Variants in SLC26A5 observed in about 807,000 individuals in gnomAD.
The protein encoded by SLC26A5 is prestin.
Under a neutral mutation model 81.0 loss-of-function variants are expected in SLC26A5, and 51 were observed. The ratio of observed to expected loss-of-function variants is 0.63; its 90% CI spans 0.50 to 0.80. The LOEUF is 0.80. Ranked by LOEUF, SLC26A5 falls within the 30% of genes least tolerant of loss-of-function variation. The pLI is 0.00. For missense variants in SLC26A5, 771 were observed against 905.8 expected, an observed-to-expected ratio of 0.85 and a Z score of 1.91; for synonymous variants, 325 against 332.8, an observed-to-expected ratio of 0.98 and a Z score of 0.25.
chr7:103,443,613 A>G (rs1017722167), intron 1 of SLC26A5, among the ~76,000 whole-genome samples: 5 of 152,252 alleles, frequency 3.3e-5, no homozygotes, highest in East Asian at 1.9e-4. Flanking sequence ...AATGTTCAAG[A>G]TAAGAGTTGA....
At chr7:103,406,876 C>T (rs1586306403) in intron 8 of SLC26A5, among the ~76,000 whole-genome samples, 1 of 152,196 alleles carries the variant, frequency 6.6e-6, no homozygotes, top group Admixed American at 6.5e-5. Flanking sequence ...TGGCCTCGAA[C>T]TCCTGGCCTC....
chr7:103,370,825 G>A (rs1385452013), downstream of SLC26A5, among the ~76,000 whole-genome samples: 2 of 152,204 alleles, frequency 1.3e-5, no homozygotes, highest in African/African-American at 4.8e-5. Context: ...CATACTGCAC[G>A]AGATTTCAGA....
intron 19 of SLC26A5, 85 bp downstream of exon 19, chr7:103,376,723 T>G (rs1424015581): frequency 1.0e-6 from 1 of 953,492 alleles, no homozygotes; most frequent in Non-Finnish European, 1.6e-6. Flanking sequence ...TAATTAAAAT[T>G]AAGGACATTT....
chr7:103,421,599 T>C, intron 2 of SLC26A5, 32 bp from the exon 3 acceptor site: 2 of 1,440,508 alleles, frequency 1.4e-6, no homozygotes, highest in Non-Finnish European at 1.9e-6. Flanking sequence ...CCATTTTACT[T>C]GCCAAAATCC....
chr7:103,392,794 G>A, intron 10 of SLC26A5, 125 bp downstream of exon 10: 1 of 1,179,798 alleles, frequency 8.5e-7, no homozygotes, highest in Non-Finnish European at 1.2e-6. Flanking sequence ...AGCCAGGATG[G>A]TCTCAATCTC....
Position 103,413,030 on chromosome 7 carries a change from A to G in SLC26A5, c.375T>C (p.Phe125=). ...SSFYPVIMYC[F]LGTSRHISIG... is the part of the protein sequence containing the mutation. ...TGGATATGTGTCTGGAGGTTCCAAG[A>G]AAACAATACATGATAACAGGGTAAA... is the stretch of plus-strand genomic sequence containing the variant. The change falls in exon 5 of 20, where the codon TTT becomes TTC. Residue 125 remains phenylalanine, a synonymous_variant. Transcript: ENST00000306312. 5.0e-6 allele frequency: 8 copies of G among 1,613,302 alleles called. No individual in the cohort carries two copies. The highest frequency in any genetic ancestry group is 6.8e-6 in the Non-Finnish European group (8 of 1,179,240).
intron 14 of SLC26A5, among the ~76,000 whole-genome samples, chr7:103,385,257 G>A (rs911641988): frequency 2.6e-5 from 4 of 151,970 alleles, no homozygotes; most frequent in African/African-American, 9.7e-5. Flanking sequence ...CGCCTCCCCG[G>A]GTTCACACCA....
chr7:103,375,211 A>AT (rs534552724), intron 19 of SLC26A5, among the ~76,000 whole-genome samples: 3 of 150,738 alleles, frequency 2.0e-5, no homozygotes, highest in East Asian at 2.0e-4. Flanking sequence ...TTTTTGCTTA[A>AT]TTTTTTTACC....
chr7:103,403,780 A>T (rs1823800885), intron 8 of SLC26A5, among the ~76,000 whole-genome samples: 1 of 150,708 alleles, frequency 6.6e-6, no homozygotes, highest in African/African-American at 2.5e-5. Context: ...TTTGTATATG[A>T]GATGAGTCTC....
chr7:103,411,923 T>C (rs1406441399), intron 5 of SLC26A5, among the ~76,000 whole-genome samples: 1 of 152,228 alleles, frequency 6.6e-6, no homozygotes, highest in African/African-American at 2.4e-5. Flanking sequence ...GAAGTGACGT[T>C]GTGTGACTTC....
At chr7:103,383,221 C>G (rs762734722) in intron 14 of SLC26A5, among the ~76,000 whole-genome samples, 1 of 152,168 alleles carries the variant, frequency 6.6e-6, no homozygotes, top group Non-Finnish European at 1.5e-5. Context: ...AAAGTGCTGT[C>G]CATGTGTTGC....
intron 7 of SLC26A5, among the ~76,000 whole-genome samples, chr7:103,409,295 T>C (rs1824294514): frequency 6.6e-6 from 1 of 152,230 alleles, no homozygotes; most frequent in Non-Finnish European, 1.5e-5. Flanking sequence ...GGCACATAAA[T>C]ACCTACAAAG....
chr7:103,364,985 T>TATATATATATATATATA (rs1820631473), intron 19 of SLC26A5, among the ~76,000 whole-genome samples: 5 of 55,616 alleles, frequency 9.0e-5, no homozygotes, highest in South Asian at 6.4e-4. Context: ...ATATATATAT[T>TATATATATATATATATA]TAGAGAATAA....
At position 103,390,474 on chromosome 7, in the gene SLC26A5, C is replaced by G. The variant is rs1822554302; in HGVS notation, c.1266G>C (p.Leu422=). 1 of 1,614,044 alleles carries G rather than the reference C, an allele frequency of 6.2e-7. No individual in the cohort carries two copies. Among genetic ancestry groups the G allele is most frequent in the Admixed American group, 1.7e-5 (1 of 60,008 alleles). Reference sequence around the variant, plus strand: ...GGAATCCAGTTGCTAATATGACCAGCAGAATCATTAATGAGGCCAAACAAC... The same window carrying G: ...GGAATCCAGTTGCTAATATGACCAGGAGAATCATTAATGAGGCCAAACAAC... ...LAGCLASLMI[L]LVILATGFLF... The change falls in exon 12 of 20, where the codon CTG becomes CTC. Residue 422 remains leucine, a synonymous_variant. Transcript: ENST00000306312.
chr7:103,395,131 CACTA>C (rs1317665244), intron 9 of SLC26A5, among the ~76,000 whole-genome samples: 1 of 152,170 alleles, frequency 6.6e-6, no homozygotes, highest in Non-Finnish European at 1.5e-5. Context: ...GCCTAACCTA[CACTA>C]AAGAATTATG....
At chr7:103,377,433 G>T (rs553030303) in intron 18 of SLC26A5, among the ~76,000 whole-genome samples, 166 bp downstream of exon 18, 1 of 152,080 alleles carries the variant, frequency 6.6e-6, no homozygotes, top group Non-Finnish European at 1.5e-5. Context: ...GTTCACGGGG[G>T]TTCAATATAC....
chr7:103,366,017 T>C (rs1820701244), intron 19 of SLC26A5: 1 of 1,336,826 alleles, frequency 7.5e-7, no homozygotes, highest in African/African-American at 1.5e-5. Context: ...CATAACTTTT[T>C]ACTTATTTTA....
At chr7:103,376,921 C>CT in intron 18 of SLC26A5, 59 bp from the exon 19 acceptor site, 1 of 1,171,210 alleles carries the variant, frequency 8.5e-7, no homozygotes, top group South Asian at 1.2e-5. Flanking sequence ...ATGAAAGTCT[C>CT]TTTTTACCAA....
chr7:103,443,456 A>G lies in SLC26A5; in HGVS notation c.-182-245T>C, dbSNP rs1374974002. On this transcript the variant is annotated intron_variant, in intron 1 of 19. Transcript: ENST00000306312. ...AAGATATAGTTCAATTTTTGAACTC[A>G]GCCATTCCCATATGTAGCAATTCAT... is the stretch of plus-strand genomic sequence containing the variant. 2.6e-5 allele frequency among the ~76,000 whole-genome samples: 4 copies of G among 152,224 alleles called. No individual in the cohort carries two copies. The East Asian group carries it at 7.7e-4, about 29-fold the overall frequency.
Sources: gnomAD v4.1 joint callset for allele counts (sites outside exome capture counted in the v4.1 genomes callset) on GRCh38, gnomAD v4.1.1 for gene constraint, MANE v1.5 for transcripts, NCBI Gene and HGNC (gene_info 2026-07-23, HGNC 2026-07-21) for gene names.